The following NIPA2 variants were observed in gnomAD, a reference collection of about 807,000 sequenced individuals.
NIPA2 encodes magnesium transporter NIPA2.
Under a neutral mutation model 29.7 loss-of-function variants are expected in NIPA2, and 11 were observed. The ratio of observed to expected loss-of-function variants is 0.37; its 90% CI spans 0.23 to 0.61. The LOEUF is 0.61. Ranked by LOEUF, NIPA2 falls within the 20% of genes least tolerant of loss-of-function variation. The probability of loss-of-function intolerance (pLI) is 0.66; values close to 1 mark genes in which losing one functional copy is unlikely to be tolerated. For synonymous variants in NIPA2, 183 were observed against 161.9 expected, an observed-to-expected ratio of 1.13 and a Z score of -0.99; for missense variants, 426 against 437.9, an observed-to-expected ratio of 0.97 and a Z score of 0.24.
rs867074623 is a variant in NIPA2 at position 22,846,848 on chromosome 15, T to C, written c.-94+1581T>C. 2.0e-3 allele frequency among the ~76,000 whole-genome samples: 299 copies of C among 146,200 alleles called. 1 individual carries two copies. The highest frequency in any genetic ancestry group is 7.2e-3 in the African/African-American group (288 of 40,188). ...ATAATAATAATAATAATAATTATTA[T>C]TATTATTATTTAAATTTGGATTTGT... On this transcript the variant is annotated intron_variant, in intron 3 of 7. Coordinates refer to ENST00000337451, the MANE Select transcript of NIPA2 (RefSeq NM_030922.7).
chr15:22,842,884 T>G (rs1482511137), intron 2 of NIPA2, among the ~76,000 whole-genome samples: 1 of 151,494 alleles, frequency 6.6e-6, no homozygotes, highest in Non-Finnish European at 1.5e-5. Flanking sequence ...GCGCCTGTAG[T>G]CCCAGCTACT....
At chr15:22,841,231 G>A (rs1897009100) in intron 2 of NIPA2, among the ~76,000 whole-genome samples, 1 of 152,102 alleles carries the variant, frequency 6.6e-6, no homozygotes, top group Non-Finnish European at 1.5e-5. Context: ...GTATCTGTAT[G>A]TTTCCCATAA....
rs74556453 is a variant in NIPA2 at position 22,850,229 on chromosome 15, C to T, written c.-93-1410C>T. On this transcript the variant is annotated intron_variant, in intron 3 of 7. Coordinates refer to ENST00000337451, the MANE Select transcript of NIPA2 (RefSeq NM_030922.7). Reference sequence around the variant, plus strand: ...CTCACAGTTCTGTGAGTCACTGGGACGATTTTGTTCTGTACCCTTCACTCT... The same window carrying T: ...CTCACAGTTCTGTGAGTCACTGGGATGATTTTGTTCTGTACCCTTCACTCT... Among the ~76,000 whole-genome samples, 340 of 152,034 alleles carry T rather than the reference C, an allele frequency of 2.2e-3. 1 individual carries two copies. Among genetic ancestry groups the T allele is most frequent in the African/African-American group, 7.7e-3 (318 of 41,456 alleles).
rs554006841 is a variant in NIPA2, at chr15:22,857,647, G to C, written c.197-893G>C. On this transcript the variant is annotated intron_variant, in intron 5 of 7. Transcript: ENST00000337451. ...AGGTCAGGAGTTCAAGACCAGCCTGGTCAACATGGTGAAACCCCGTCTCTA... is the reference window on the plus strand; with the variant it reads ...AGGTCAGGAGTTCAAGACCAGCCTGCTCAACATGGTGAAACCCCGTCTCTA... 1.4e-4 allele frequency among the ~76,000 whole-genome samples: 21 copies of C among 151,580 alleles called. No homozygotes were observed. In the East Asian group the frequency reaches 4.1e-3, roughly 30 times the overall value.
At chr15:22,840,146 T>C (rs7172332) in intron 2 of NIPA2, among the ~76,000 whole-genome samples, 132,103 of 151,918 alleles carry the variant, frequency 0.87, 57,537 homozygotes, top group East Asian at 0.93. Context: ...GTCTCCTAAT[T>C]CTGGACTTAA....
chr15:22,865,485 CA>C (rs199693537), intron 7 of NIPA2, among the ~76,000 whole-genome samples: 32,030 of 140,450 alleles, frequency 0.23, 3,572 homozygotes, highest in Admixed American at 0.33. Flanking sequence ...GACTCTGTCT[CA>C]AAAAAAAAAA....
chr15:22,867,580 C>T lies in NIPA2; in HGVS notation c.*733C>T, dbSNP rs151160530. ...CCATGATGCCTGGAACCTTGATTAC[C>T]GTTTTACATCAGCTCTTGTACTTTT... On this transcript the variant is annotated 3_prime_UTR_variant, in exon 8 of 8. Transcript: ENST00000337451. 1.0e-3 allele frequency: 193 copies of T among 186,732 alleles called. No homozygotes were observed. Among genetic ancestry groups the T allele is most frequent in the African/African-American group, 4.5e-3 (188 of 42,052 alleles). The allele number at this position is 186,732 out of a possible 1,614,324, so 11.6% of individuals were successfully genotyped here. A position where few individuals can be genotyped will look rare whatever the true frequency, so the allele number is the denominator to read the frequency against.
intron 2 of NIPA2, 78 bp downstream of exon 2, chr15:22,839,868 G>C (rs553259554): frequency 6.6e-6 from 1 of 152,224 alleles, no homozygotes; most frequent in South Asian, 2.1e-4. Context: ...ATATTTATAA[G>C]TACAGTACTG....
chr15:22,843,429 C>A (rs1399792154), intron 2 of NIPA2, among the ~76,000 whole-genome samples: 1 of 151,152 alleles, frequency 6.6e-6, no homozygotes. Flanking sequence ...TGGCGTGAAC[C>A]CGGGAGGCAG....
At chr15:22,861,274 ATTC>A (rs527681061) in intron 7 of NIPA2, among the ~76,000 whole-genome samples, 59 of 152,138 alleles carry the variant, frequency 3.9e-4, no homozygotes, top group Non-Finnish European at 7.4e-4. Context: ...ACAAAGAGGT[ATTC>A]TTTGTTTCAT....
At position 22,867,463 on chromosome 15, in the gene NIPA2, C is replaced by G; in HGVS notation, c.*616C>G. ...ATGATCACCGTGAATCCGGCTTCCT[C>G]TGAGCATTCGATGGCCTTAGCACCT... On this transcript the variant is annotated 3_prime_UTR_variant, in exon 8 of 8. Transcript: ENST00000337451. 1 of 338,548 alleles carries G rather than the reference C, an allele frequency of 3.0e-6. No homozygotes were observed. Among genetic ancestry groups the G allele is most frequent in the Non-Finnish European group, 5.3e-6 (1 of 189,756 alleles). 21.0% of individuals were successfully genotyped at this position (338,548 alleles called of 1,614,324 possible).
chr15:22,843,554 C>T (rs1411526860), intron 2 of NIPA2, among the ~76,000 whole-genome samples: 2 of 151,786 alleles, frequency 1.3e-5, no homozygotes, highest in Non-Finnish European at 2.9e-5. Flanking sequence ...TGGGCCCTTA[C>T]CACATATCTT....
At chr15:22,864,889 TCTCA>T (rs2058878510) in intron 7 of NIPA2, among the ~76,000 whole-genome samples, 1 of 152,108 alleles carries the variant, frequency 6.6e-6, no homozygotes, top group Admixed American at 6.5e-5. Flanking sequence ...CTTGAGACAG[TCTCA>T]CTCTATTGCC....
At chr15:22,865,355 G>A (rs902659892) in intron 7 of NIPA2, among the ~76,000 whole-genome samples, 2 of 151,792 alleles carry the variant, frequency 1.3e-5, no homozygotes, top group Non-Finnish European at 1.5e-5. Context: ...GCGTGTTGGC[G>A]GGCACCTGTA....
At chr15:22,859,367 C>A (rs1456135625) in intron 6 of NIPA2, among the ~76,000 whole-genome samples, 6 of 149,912 alleles carry the variant, frequency 4.0e-5, no homozygotes, top group African/African-American at 7.4e-5. Flanking sequence ...ATCTCGGCTC[C>A]CTGCAAGCTC....
chr15:22,864,981 C>T, intron 7 of NIPA2, among the ~76,000 whole-genome samples: 1 of 152,094 alleles, frequency 6.6e-6, no homozygotes, highest in East Asian at 2.0e-4. Context: ...CCTGTTTCAG[C>T]CTCCCAAGTA....
intron 6 of NIPA2, among the ~76,000 whole-genome samples, chr15:22,859,105 A>T (rs12904827): frequency 6.6e-6 from 1 of 151,964 alleles, no homozygotes; most frequent in South Asian, 2.1e-4. Flanking sequence ...ACGCAGGAAG[A>T]GGAGGTTGCA....
intron 3 of NIPA2, among the ~76,000 whole-genome samples, chr15:22,849,050 C>T (rs7167422): frequency 0.21 from 32,014 of 151,960 alleles, 3,593 homozygotes; most frequent in Admixed American, 0.31. Context: ...GTAAGCACAC[C>T]TGCTTTTTGT....
intron 3 of NIPA2, among the ~76,000 whole-genome samples, chr15:22,848,600 C>T (rs1164158969): frequency 2.0e-5 from 3 of 151,666 alleles, no homozygotes; most frequent in Non-Finnish European, 2.9e-5. Context: ...CTGAGATGGG[C>T]GGATCACTCG....
Sources: gnomAD v4.1 joint callset for allele counts (sites outside exome capture counted in the v4.1 genomes callset) on GRCh38, gnomAD v4.1.1 for gene constraint, MANE v1.5 for transcripts, NCBI Gene and HGNC (gene_info 2026-07-23, HGNC 2026-07-21) for gene names.